GRM8: variants seen among roughly 807,000 people sequenced by gnomAD.
GRM8 encodes the protein metabotropic glutamate receptor 8.
In GRM8, 47 loss-of-function variants were observed where a neutral mutation model predicts 87.2. That is an observed-to-expected ratio of 0.54 (90% CI 0.43 to 0.69). The LOEUF (loss-of-function observed/expected upper bound fraction) is 0.69, where lower values mean the gene tolerates loss of function less well. GRM8 is among the 30% of genes least tolerant of loss of function. GRM8 has a pLI of 0.00. For synonymous variants in GRM8, 396 were observed against 404.5 expected, an observed-to-expected ratio of 0.98 and a Z score of 0.25; for missense variants, 1,019 against 1,139.2, an observed-to-expected ratio of 0.89 and a Z score of 1.52.
intron 7 of GRM8, among the ~76,000 whole-genome samples, chr7:126,614,684 C>G (rs998445052): frequency 4.6e-5 from 7 of 152,046 alleles, no homozygotes; most frequent in African/African-American, 1.7e-4. Context: ...CTTAAATGAC[C>G]TGATGGAGCT....
intron 7 of GRM8, among the ~76,000 whole-genome samples, chr7:126,728,966 C>T (rs1195472252): frequency 6.6e-6 from 1 of 152,178 alleles, no homozygotes; most frequent in Admixed American, 6.5e-5. Flanking sequence ...TCTGTTCACA[C>T]AGGACCTTTT....
intron 3 of GRM8, among the ~76,000 whole-genome samples, chr7:126,938,198 T>G (rs996356222): frequency 1.3e-5 from 2 of 152,186 alleles, no homozygotes; most frequent in African/African-American, 4.8e-5. Flanking sequence ...CCCTTCTCTG[T>G]CCCTTCCCCC....
chr7:126,476,695 C>T (rs1805946730), intron 9 of GRM8, among the ~76,000 whole-genome samples: 1 of 151,958 alleles, frequency 6.6e-6, no homozygotes, highest in African/African-American at 2.4e-5. Context: ...AACAATGACA[C>T]ATTACCTCAC....
intron 8 of GRM8, among the ~76,000 whole-genome samples, chr7:126,604,225 A>T (rs776134377): frequency 6.6e-6 from 1 of 152,186 alleles, no homozygotes; most frequent in Non-Finnish European, 1.5e-5. Context: ...GCAAAATTCC[A>T]TCAGAAAGTT....
intron 7 of GRM8, among the ~76,000 whole-genome samples, chr7:126,740,505 T>C (rs1412219445): frequency 6.6e-6 from 1 of 152,150 alleles, no homozygotes; most frequent in Non-Finnish European, 1.5e-5. Context: ...ATCTTTCTTA[T>C]ACTGAGCTTT....
At chr7:127,022,252 G>A (rs1026374648) in intron 3 of GRM8, among the ~76,000 whole-genome samples, 2 of 151,842 alleles carry the variant, frequency 1.3e-5, no homozygotes, top group African/African-American at 4.8e-5. Flanking sequence ...AGCAATCTTG[G>A]AAGCAGTGGT....
chr7:126,984,012 A>G (rs1172078172), intron 3 of GRM8, among the ~76,000 whole-genome samples: 1 of 151,076 alleles, frequency 6.6e-6, no homozygotes, highest in Non-Finnish European at 1.5e-5. Context: ...AAATATCTTC[A>G]TTTGTACCAA....
chr7:126,573,801 G>C (rs191732203), intron 8 of GRM8, among the ~76,000 whole-genome samples: 1 of 151,984 alleles, frequency 6.6e-6, no homozygotes, highest in Non-Finnish European at 1.5e-5. Flanking sequence ...GCTCAGGCTG[G>C]TCTCAAACTC....
intron 8 of GRM8, among the ~76,000 whole-genome samples, chr7:126,593,874 A>G (rs1796918642): frequency 6.6e-6 from 1 of 152,054 alleles, no homozygotes; most frequent in African/African-American, 2.4e-5. Flanking sequence ...TATCCAAAAT[A>G]TATGATACTC....
intron 6 of GRM8, among the ~76,000 whole-genome samples, chr7:126,822,665 G>A (rs755482244): frequency 2.6e-5 from 4 of 151,554 alleles, no homozygotes; most frequent in Non-Finnish European, 4.4e-5. Flanking sequence ...AGACTCCTGC[G>A]GCTCAAGTGA....
intron 7 of GRM8, among the ~76,000 whole-genome samples, chr7:126,691,395 G>A (rs1269984980): frequency 6.6e-6 from 1 of 152,176 alleles, no homozygotes; most frequent in Non-Finnish European, 1.5e-5. Flanking sequence ...AGGGGCAAAG[G>A]GGCTTCCCAG....
At chr7:127,032,695 A>T (rs17867287) in intron 3 of GRM8, among the ~76,000 whole-genome samples, 1 of 152,270 alleles carries the variant, frequency 6.6e-6, no homozygotes, top group African/African-American at 2.4e-5. Context: ...AAGACCACAT[A>T]GCCCTCAAAT....
intron 2 of GRM8, among the ~76,000 whole-genome samples, chr7:127,238,876 C>T (rs937386809): frequency 6.6e-6 from 1 of 152,204 alleles, no homozygotes; most frequent in African/African-American, 2.4e-5. Context: ...GCTAAATGAA[C>T]CTCCCCAACT....
At chr7:126,656,155 G>A (rs941709873) in intron 7 of GRM8, among the ~76,000 whole-genome samples, 2 of 152,064 alleles carry the variant, frequency 1.3e-5, no homozygotes, top group African/African-American at 4.8e-5. Flanking sequence ...TAATTCCAAG[G>A]GGCATTAAAT....
chr7:126,701,293 C>G (rs767238059), intron 7 of GRM8, among the ~76,000 whole-genome samples: 2 of 152,114 alleles, frequency 1.3e-5, no homozygotes, highest in African/African-American at 2.4e-5. Context: ...CACGCTGGAG[C>G]ACAGTAGCCT....
At chr7:127,135,396 T>C (rs575315908) in intron 2 of GRM8, among the ~76,000 whole-genome samples, 1 of 152,126 alleles carries the variant, frequency 6.6e-6, no homozygotes, top group African/African-American at 2.4e-5. Flanking sequence ...ATTATAGATA[T>C]TTGAAAATAA....
At chr7:126,728,148 C>T (rs999133319) in intron 7 of GRM8, among the ~76,000 whole-genome samples, 5 of 152,224 alleles carry the variant, frequency 3.3e-5, no homozygotes, top group East Asian at 3.9e-4. Flanking sequence ...CTATCCGCCA[C>T]GCACCCTCCC....
chr7:126,741,024 A>G (rs1028786202), intron 7 of GRM8, among the ~76,000 whole-genome samples: 5 of 152,140 alleles, frequency 3.3e-5, no homozygotes, highest in East Asian at 1.9e-4. Context: ...AATATGGGCA[A>G]TTAACTATCC....
chr7:127,112,011 C>T (rs574387062), intron 2 of GRM8, among the ~76,000 whole-genome samples: 1 of 118,798 alleles, frequency 8.4e-6, no homozygotes, highest in African/African-American at 3.6e-5. Context: ...GCACCAAGAG[C>T]AAAACTCTGT....
Sources: gnomAD v4.1 joint callset for allele counts (sites outside exome capture counted in the v4.1 genomes callset) on GRCh38, gnomAD v4.1.1 for gene constraint, MANE v1.5 for transcripts, NCBI Gene and HGNC (gene_info 2026-07-23, HGNC 2026-07-21) for gene names.